The following KCNMA1 variants were observed in gnomAD, a reference collection of about 807,000 sequenced individuals.
The protein encoded by KCNMA1 is potassium calcium-activated channel subfamily M alpha 1.
In KCNMA1, 29 loss-of-function variants were observed where a neutral mutation model predicts 140.0. The ratio of observed to expected loss-of-function variants is 0.21; its 90% CI spans 0.15 to 0.28. KCNMA1 has a LOEUF of 0.28. Ranked by LOEUF, KCNMA1 falls within the 10% of genes least tolerant of loss-of-function variation. The pLI, the probability that KCNMA1 is intolerant of heterozygous loss-of-function variation, is 1.00. For missense variants in KCNMA1, 880 were observed against 1,602.2 expected (o/e 0.55, Z 7.70); for synonymous variants, 612 against 611.9 (o/e 1.00, Z 0.00).
At chr10:77,349,519 C>CAAGT (rs1232115165) in intron 2 of KCNMA1, among the ~76,000 whole-genome samples, 1 of 152,330 alleles carries the variant, frequency 6.6e-6, no homozygotes, top group East Asian at 1.9e-4. Context: ...TCAGACCCAG[C>CAAGT]AAGTGGCTCC....
chr10:77,610,830 A>T (rs938040565), intron 1 of KCNMA1, among the ~76,000 whole-genome samples: 3 of 152,248 alleles, frequency 2.0e-5, no homozygotes, highest in Non-Finnish European at 4.4e-5. Context: ...AATAAGCTAA[A>T]AAACTACCGA....
chr10:77,251,680 T>C (rs966416515), intron 2 of KCNMA1, among the ~76,000 whole-genome samples: 4 of 152,198 alleles, frequency 2.6e-5, no homozygotes, highest in African/African-American at 9.6e-5. Context: ...CATTGAGGCA[T>C]AATTTACATA....
intron 14 of KCNMA1, among the ~76,000 whole-genome samples, chr10:77,061,438 A>G (rs1285705894): frequency 6.6e-6 from 1 of 152,240 alleles, no homozygotes; most frequent in Non-Finnish European, 1.5e-5. Context: ...ATACACGTGA[A>G]AACCACAATG....
chr10:76,892,376 T>C (rs1483376282), intron 25 of KCNMA1, among the ~76,000 whole-genome samples: 1 of 152,096 alleles, frequency 6.6e-6, no homozygotes, highest in African/African-American at 2.4e-5. Flanking sequence ...TCCCTCTAAG[T>C]GTACATTTGT....
intron 1 of KCNMA1, among the ~76,000 whole-genome samples, chr10:77,571,512 A>C (rs370638955): frequency 6.6e-6 from 1 of 152,198 alleles, no homozygotes; most frequent in Non-Finnish European, 1.5e-5. Context: ...CTCACAGCAA[A>C]CATTGTTCCA....
intron 5 of KCNMA1, among the ~76,000 whole-genome samples, chr10:77,155,075 G>A (rs1644538574): frequency 6.6e-6 from 1 of 152,178 alleles, no homozygotes; most frequent in Non-Finnish European, 1.5e-5. Context: ...GGGGGTGCAG[G>A]AGAAGGCAGA....
chr10:77,001,645 C>T, intron 18 of KCNMA1, 65 bp from the exon 19 acceptor site: 1 of 1,359,094 alleles, frequency 7.4e-7, no homozygotes, highest in Non-Finnish European at 1.0e-6. Context: ...TCACACACAG[C>T]AAGGCAGCTG....
At position 77,548,984 on chromosome 10, in the gene KCNMA1, C is replaced by A. The variant is rs564016710; in HGVS notation, c.378+88281G>T. ...TACTTTGAAAAATCATGATGTGCTT[C>A]ACTTGAGTCGTGGATGGTGATGCTA... is the stretch of plus-strand genomic sequence containing the variant. On this transcript the variant is annotated intron_variant, in intron 1 of 27. Coordinates refer to ENST00000286628, the MANE Select transcript of KCNMA1 (RefSeq NM_001161352.2). Among the ~76,000 whole-genome samples, 9 of 152,334 alleles carry A rather than the reference C, an allele frequency of 5.9e-5. No individual in the cohort carries two copies. In the South Asian group the frequency reaches 1.7e-3, roughly 28 times the overall value.
chr10:77,473,951 G>A (rs930176517), intron 1 of KCNMA1, among the ~76,000 whole-genome samples: 14 of 152,166 alleles, frequency 9.2e-5, no homozygotes, highest in Admixed American at 1.3e-4. Flanking sequence ...GCCTCGCTGC[G>A]TTCTGAACAG....
chr10:77,012,011 T>A lies in KCNMA1; in HGVS notation c.2048A>T (p.Asp683Val). Reference protein sequence around the residue: ...AFFYCKACHDDITDPKRIKKC... With the variant: ...AFFYCKACHDVITDPKRIKKC... ...TTTTATTCTTTTGGGATCTGTGATG[T>A]CATCATGACAGGCCTTGCAGTAAAA... is the stretch of plus-strand genomic sequence containing the variant. The change falls in exon 18 of 28, where the codon GAC (aspartate) becomes GTC (valine). Residue 683 changes from aspartate to valine, a missense_variant. Around this residue, in one of 13 missense-constraint regions of KCNMA1, gnomAD observed 196 missense variants for 233.0 expected, o/e 0.84. Coordinates refer to ENST00000286628, the MANE Select transcript of KCNMA1 (RefSeq NM_001161352.2). The A allele has an allele frequency of 6.2e-7, 1 of 1,613,924 alleles. No homozygotes were observed. Among genetic ancestry groups the A allele is most frequent in the Non-Finnish European group, 8.5e-7 (1 of 1,179,902 alleles).
chr10:76,948,644 C>T (rs568551156), intron 22 of KCNMA1, among the ~76,000 whole-genome samples: 7 of 152,220 alleles, frequency 4.6e-5, no homozygotes, highest in African/African-American at 1.7e-4. Context: ...TCTAAATGAA[C>T]AGGGGTTGGG....
chr10:77,021,754 C>T (rs999605279), intron 16 of KCNMA1, among the ~76,000 whole-genome samples: 4 of 152,130 alleles, frequency 2.6e-5, no homozygotes, highest in Non-Finnish European at 4.4e-5. Flanking sequence ...TTTAAATCAT[C>T]CCCATGTGAG....
At chr10:76,913,552 GGAA>G (rs2051291861) in intron 24 of KCNMA1, 2 of 144,170 alleles carry the variant, frequency 1.4e-5, no homozygotes. Flanking sequence ...CTAGTAGGGG[GGAA>G]AAAAAAAAAA....
intron 1 of KCNMA1, 146 bp downstream of exon 1, chr10:77,637,119 G>A (rs2093834226): frequency 2.4e-6 from 3 of 1,267,428 alleles, no homozygotes; most frequent in East Asian, 5.2e-5. Context: ...AGCACCGGGA[G>A]AGCCGAGGGA....
chr10:77,080,022 A>G (rs1398778361), intron 12 of KCNMA1, among the ~76,000 whole-genome samples: 1 of 152,152 alleles, frequency 6.6e-6, no homozygotes, highest in Non-Finnish European at 1.5e-5. Flanking sequence ...CTCTCACTAC[A>G]TACAATTTGG....
At chr10:77,623,058 A>G (rs1413038612) in intron 1 of KCNMA1, among the ~76,000 whole-genome samples, 1 of 152,236 alleles carries the variant, frequency 6.6e-6, no homozygotes, top group Non-Finnish European at 1.5e-5. Context: ...TGTTTTCACC[A>G]TGAAAATCAT....
Position 77,590,927 on chromosome 10 carries a change from G to A in KCNMA1, c.378+46338C>T, listed in dbSNP as rs577715789. On this transcript the variant is annotated intron_variant, in intron 1 of 27. Coordinates refer to ENST00000286628, the MANE Select transcript of KCNMA1 (RefSeq NM_001161352.2). ...CACCTCAAGAAGAACCTGGAGCCAG[G>A]AAGAAACCAAGGGTGGCCACACACC... 2.6e-5 allele frequency among the ~76,000 whole-genome samples: 4 copies of A among 152,322 alleles called. No homozygotes were observed. The East Asian group carries it at 7.7e-4, about 29-fold the overall frequency.
intron 4 of KCNMA1, 114 bp downstream of exon 4, chr10:77,184,709 C>A: frequency 1.3e-6 from 1 of 765,862 alleles, no homozygotes; most frequent in Non-Finnish European, 2.4e-6. Flanking sequence ...AATGCGGGTG[C>A]GCTGTTTCTC....
At chr10:77,466,405 C>G (rs2098014701) in intron 1 of KCNMA1, among the ~76,000 whole-genome samples, 1 of 152,100 alleles carries the variant, frequency 6.6e-6, no homozygotes, top group African/African-American at 2.4e-5. Flanking sequence ...GTTAGAGAGC[C>G]CAAACGATGC....
Sources: allele counts gnomAD v4.1 joint callset (sites outside exome capture counted in the v4.1 genomes callset), GRCh38; gene constraint gnomAD v4.1.1; regional missense constraint gnomAD v4.1.1; transcripts MANE v1.5; gene names NCBI Gene and HGNC (gene_info 2026-07-23, HGNC 2026-07-21).